The following ASIP variants were observed in gnomAD, a reference collection of about 807,000 sequenced individuals.
ASIP encodes the protein agouti signaling protein.
ASIP carries 11 observed loss-of-function variants against 10.3 expected under a neutral mutation model. The ratio of observed to expected loss-of-function variants is 1.07; its 90% CI spans 0.68 to 1.78. ASIP has a LOEUF of 1.78. Ranked by LOEUF, ASIP falls within the 40% of genes most tolerant of loss-of-function variation. The pLI, the probability that ASIP is intolerant of heterozygous loss-of-function variation, is 0.00. For synonymous variants in ASIP, 70 were observed against 70.8 expected (o/e 0.99, Z 0.06); for missense variants, 180 against 169.2 (o/e 1.06, Z -0.35).
chr20:34,189,624 G>A (rs2034813408), upstream of ASIP, among the ~76,000 whole-genome samples: 1 of 152,208 alleles, frequency 6.6e-6, no homozygotes, highest in African/African-American at 2.4e-5. Context: ...ATGTGAATAG[G>A]TGCACAATAA....
chr20:34,255,971 G>A (rs1367798996), intron 1 of ASIP, among the ~76,000 whole-genome samples: 4 of 152,216 alleles, frequency 2.6e-5, no homozygotes, highest in African/African-American at 4.8e-5. Context: ...AGGCCCACCC[G>A]CAGCCTCCAG....
intron 1 of ASIP, chr20:34,214,460 G>A (rs2122552737): frequency 6.6e-7 from 1 of 1,515,358 alleles, no homozygotes; most frequent in South Asian, 1.1e-5. Flanking sequence ...CATCACCTGA[G>A]AAGTGAGCAC....
rs1277541256 is a variant in ASIP, at chr20:34,258,688, T to TATATATATATATATAC, written c.-10-1674_-10-1673insTATATATATATACATA. The stretch of plus-strand genomic sequence containing the variant: ...AAGGGGGATGCCATATATATATATA[T>TATATATATATATATAC]ATACATACTATATATATATATTATA... On this transcript the variant is annotated intron_variant, in intron 1 of 3. Transcript: ENST00000374954. Among the ~76,000 whole-genome samples the TATATATATATATATAC allele has an allele frequency of 2.3e-4, 15 of 66,568 alleles. 3 individuals are homozygous for TATATATATATATATAC. The East Asian group carries it at 6.4e-3, about 28-fold the overall frequency. The allele number at this position is 66,568 out of a possible 152,430, so 43.7% of individuals were successfully genotyped here. A position where few individuals can be genotyped will look rare whatever the true frequency, so the allele number is the denominator to read the frequency against.
At chr20:34,186,623 G>A in the ASIP span, among the ~76,000 whole-genome samples, 47 of 152,226 alleles carry the variant, frequency 3.1e-4, no homozygotes, top group Non-Finnish European at 6.3e-4. Flanking sequence ...GCTGATACAA[G>A]GATGTCATCA....
chr20:34,191,304 C>T (rs182471391), upstream of ASIP, among the ~76,000 whole-genome samples: 9 of 152,298 alleles, frequency 5.9e-5, no homozygotes, highest in Admixed American at 2.0e-4. Context: ...GATGAGGGTG[C>T]CTGTCACCCC....
intron 1 of ASIP, among the ~76,000 whole-genome samples, chr20:34,236,301 A>G (rs939306009): frequency 6.6e-6 from 1 of 152,180 alleles, no homozygotes; most frequent in Non-Finnish European, 1.5e-5. Context: ...GCACTTTGGG[A>G]GGCCGAAGCG....
chr20:34,260,571 G>C, intron 2 of ASIP, 37 bp downstream of exon 2: 2 of 1,558,016 alleles, frequency 1.3e-6, no homozygotes, highest in Non-Finnish European at 1.7e-6. Flanking sequence ...GCCCAGGAGA[G>C]GGGCTGCAGG....
At chr20:34,200,523 G>A (rs968147208) in intron 1 of ASIP, among the ~76,000 whole-genome samples, 4 of 152,238 alleles carry the variant, frequency 2.6e-5, no homozygotes, top group African/African-American at 9.6e-5. Context: ...CAAACTTGGA[G>A]AGCTGTTTTC....
chr20:34,210,915 G>A (rs549439818), intron 1 of ASIP, among the ~76,000 whole-genome samples: 1 of 152,222 alleles, frequency 6.6e-6, no homozygotes, highest in East Asian at 1.9e-4. Flanking sequence ...TGGTCATGGA[G>A]TATTAGTCCT....
chr20:34,208,352 T>G (rs1344478921), intron 1 of ASIP, among the ~76,000 whole-genome samples: 1 of 152,110 alleles, frequency 6.6e-6, no homozygotes, highest in Non-Finnish European at 1.5e-5. Context: ...GGTATTTTTT[T>G]GTTTGTTTTC....
At chr20:34,253,507 C>G (rs2035517355) in intron 1 of ASIP, among the ~76,000 whole-genome samples, 1 of 150,884 alleles carries the variant, frequency 6.6e-6, no homozygotes, top group Admixed American at 6.6e-5. Flanking sequence ...GAGTCTTGCT[C>G]CGTTGCCCAG....
chr20:34,253,760 G>A (rs190373971), intron 1 of ASIP, among the ~76,000 whole-genome samples: 151 of 151,806 alleles, frequency 9.9e-4, no homozygotes, highest in Non-Finnish European at 1.8e-3. Context: ...CGTGAGTGCC[G>A]GGCCCTTAAA....
upstream of ASIP, among the ~76,000 whole-genome samples, chr20:34,192,512 T>C (rs1318319967): frequency 1.4e-5 from 2 of 140,428 alleles, no homozygotes; most frequent in East Asian, 2.0e-4. Flanking sequence ...TTTCCTTTTT[T>C]TTCTTCTTCT....
intron 2 of ASIP, among the ~76,000 whole-genome samples, chr20:34,262,623 G>T (rs2035713494): frequency 6.6e-6 from 1 of 152,114 alleles, no homozygotes; most frequent in African/African-American, 2.4e-5. Flanking sequence ...TTCCCTCAGA[G>T]GACACGTTGC....
chr20:34,224,339 A>T (rs1372617283), intron 1 of ASIP, among the ~76,000 whole-genome samples: 1 of 151,592 alleles, frequency 6.6e-6, no homozygotes, highest in East Asian at 1.9e-4. Flanking sequence ...TCTGGATCCA[A>T]GTGACTTTAC....
intron 1 of ASIP, among the ~76,000 whole-genome samples, chr20:34,202,548 C>T (rs2034906535): frequency 6.6e-6 from 1 of 151,850 alleles, no homozygotes; most frequent in African/African-American, 2.4e-5. Flanking sequence ...CCTTTTTTTT[C>T]TGTATGGATA....
intron 1 of ASIP, among the ~76,000 whole-genome samples, chr20:34,254,833 T>C (rs192742472): frequency 5.3e-4 from 81 of 152,292 alleles, no homozygotes; most frequent in African/African-American, 1.8e-3. Context: ...CCCTCCAGAA[T>C]TGAGGTAAGG....
intron 1 of ASIP, chr20:34,214,110 G>T: frequency 8.9e-7 from 1 of 1,129,120 alleles, no homozygotes. Context: ...GCTCAGGAAG[G>T]ACTGGTGGCC....
At chr20:34,266,215 G>C (rs964811522) in intron 3 of ASIP, among the ~76,000 whole-genome samples, 1 of 152,050 alleles carries the variant, frequency 6.6e-6, no homozygotes, top group Non-Finnish European at 1.5e-5. Flanking sequence ...AGCCGGAGGT[G>C]GTGGCGGGCG....
Sources: gnomAD v4.1 joint callset for allele counts (sites outside exome capture counted in the v4.1 genomes callset) on GRCh38, gnomAD v4.1.1 for gene constraint, MANE v1.5 for transcripts, NCBI Gene and HGNC (gene_info 2026-07-23, HGNC 2026-07-21) for gene names.